Variants in VPS50 observed in about 807,000 individuals in gnomAD.
VPS50 encodes the protein syndetin.
In VPS50, 70 loss-of-function variants were observed where a neutral mutation model predicts 139.7. The ratio of observed to expected loss-of-function variants is 0.50; its 90% CI spans 0.41 to 0.61. The LOEUF is 0.61. VPS50 is among the 20% of genes least tolerant of loss of function. The pLI, the probability that VPS50 is intolerant of heterozygous loss-of-function variation, is 0.00. For missense variants in VPS50, 921 were observed against 1,133.7 expected, an observed-to-expected ratio of 0.81 and a Z score of 2.69; for synonymous variants, 365 against 376.7, an observed-to-expected ratio of 0.97 and a Z score of 0.36.
At chr7:93,341,709 T>A (rs1173418993) in intron 23 of VPS50, 134 bp downstream of exon 23, 1 of 562,990 alleles carries the variant, frequency 1.8e-6, no homozygotes, top group Non-Finnish European at 3.0e-6. Context: ...TTCTGAGAAG[T>A]ATATTCTAAC....
intron 14 of VPS50, among the ~76,000 whole-genome samples, chr7:93,296,373 A>G (rs1415852904): frequency 1.3e-5 from 2 of 152,202 alleles, no homozygotes; most frequent in Non-Finnish European, 2.9e-5. Context: ...GTTATTGAAT[A>G]TACACCCAGG....
chr7:93,316,967 A>G (rs961388645), intron 20 of VPS50, among the ~76,000 whole-genome samples: 2 of 152,198 alleles, frequency 1.3e-5, no homozygotes, highest in Admixed American at 1.3e-4. Flanking sequence ...AGTACACACA[A>G]AAACATGCAA....
intron 22 of VPS50, among the ~76,000 whole-genome samples, chr7:93,338,924 A>G (rs1798138117): frequency 6.6e-6 from 1 of 152,184 alleles, no homozygotes; most frequent in African/African-American, 2.4e-5. Context: ...ACCTGTTTAA[A>G]TAGTAACATC....
intron 9 of VPS50, among the ~76,000 whole-genome samples, chr7:93,264,242 T>C (rs1795773068): frequency 6.6e-6 from 1 of 152,232 alleles, no homozygotes; most frequent in South Asian, 2.1e-4. Context: ...ATCCCAGTTT[T>C]GTTCACTTTT....
At chr7:93,297,614 T>G (rs1395114313) in intron 16 of VPS50, among the ~76,000 whole-genome samples, 2 of 151,874 alleles carry the variant, frequency 1.3e-5, no homozygotes, top group African/African-American at 2.4e-5. Context: ...AGTGAGGGGG[T>G]GCTTGAGAGT....
chr7:93,322,419 G>A (rs1158209862), intron 20 of VPS50, among the ~76,000 whole-genome samples: 1 of 151,626 alleles, frequency 6.6e-6, no homozygotes, highest in Non-Finnish European at 1.5e-5. Flanking sequence ...CTAACACGGT[G>A]AAACCCCGTC....
intron 25 of VPS50, among the ~76,000 whole-genome samples, chr7:93,353,012 T>G (rs1244004734): frequency 6.6e-6 from 1 of 152,142 alleles, no homozygotes; most frequent in Admixed American, 6.6e-5. Context: ...TTGGAGCATT[T>G]CAGAATTCTG....
At chr7:93,319,158 TC>T (rs1174170000) in intron 20 of VPS50, among the ~76,000 whole-genome samples, 1 of 152,206 alleles carries the variant, frequency 6.6e-6, no homozygotes, top group Non-Finnish European at 1.5e-5. Flanking sequence ...AATATCCTAT[TC>T]CTTTTCCTCT....
rs1006735473 is a variant in VPS50 at position 93,295,700 on chromosome 7, CT to C, written c.1168-1033del. On this transcript the variant is annotated intron_variant, in intron 14 of 27. Coordinates refer to ENST00000305866, the MANE Select transcript of VPS50 (RefSeq NM_017667.4). ...TGAGGCTGATCTTTATTTTGACCAT[CT>C]TTTTTTTTCTTTCTTTCTTTTGATT... Among the ~76,000 whole-genome samples the C allele has an allele frequency of 9.3e-5, 14 of 151,346 alleles. No individual in the cohort carries two copies. The South Asian group carries it at 1.9e-3, about 20-fold the overall frequency.
chr7:93,290,920 G>C lies in VPS50; in HGVS notation c.943-783G>C, dbSNP rs758853633. Among the ~76,000 whole-genome samples the C allele has an allele frequency of 3.9e-5, 6 of 151,930 alleles. No individual in the cohort carries two copies. In the East Asian group the frequency reaches 9.6e-4, roughly 24 times the overall value. The stretch of plus-strand genomic sequence containing the variant: ...TATTTCTACTAGCTGTTTATCTTGG[G>C]GAGTTTACTTACACCAGAGTCTTCA... On this transcript the variant is annotated intron_variant, in intron 12 of 27. Transcript: ENST00000305866.
chr7:93,354,056 A>T (rs1159207036), intron 26 of VPS50, among the ~76,000 whole-genome samples: 1 of 152,166 alleles, frequency 6.6e-6, no homozygotes, highest in South Asian at 2.1e-4. Context: ...GATGGTGATG[A>T]TTGTTATACC....
intron 23 of VPS50, 30 bp downstream of exon 23, chr7:93,341,605 T>C (rs1182531411): frequency 2.0e-6 from 3 of 1,506,918 alleles, no homozygotes; most frequent in African/African-American, 2.8e-5. Context: ...TGCGTTGCCA[T>C]TAAATATTTA....
At chr7:93,287,738 A>G (rs1796533188) in intron 12 of VPS50, among the ~76,000 whole-genome samples, 1 of 152,094 alleles carries the variant, frequency 6.6e-6, no homozygotes, top group Non-Finnish European at 1.5e-5. Flanking sequence ...GAGTACCTTT[A>G]TTTGGGTATG....
chr7:93,263,778 C>T (rs1405877722), intron 9 of VPS50, among the ~76,000 whole-genome samples: 2 of 152,074 alleles, frequency 1.3e-5, no homozygotes, highest in African/African-American at 2.4e-5. Flanking sequence ...CAAGTATAAT[C>T]GGCTCTCTGT....
intron 9 of VPS50, among the ~76,000 whole-genome samples, chr7:93,263,825 A>G (rs1222494392): frequency 1.3e-5 from 2 of 152,220 alleles, no homozygotes; most frequent in Non-Finnish European, 2.9e-5. Flanking sequence ...CAACCAGCTG[A>G]AAATGGAAAA....
chr7:93,302,507 A>T (rs1797006467), intron 16 of VPS50, among the ~76,000 whole-genome samples: 1 of 151,594 alleles, frequency 6.6e-6, no homozygotes, highest in African/African-American at 2.4e-5. Flanking sequence ...TGTCTATTTG[A>T]TTCTTTTATT....
rs752353007 is a variant in VPS50, at chr7:93,358,621, C to T, written c.*185C>T. 4 of 513,738 alleles carry T rather than the reference C, an allele frequency of 7.8e-6. No individual in the cohort carries two copies. Among genetic ancestry groups the T allele is most frequent in the Non-Finnish European group, 1.4e-5 (4 of 286,900 alleles). 31.8% of individuals were successfully genotyped at this position (513,738 alleles called of 1,614,324 possible). A position where few individuals can be genotyped will look rare whatever the true frequency, so the allele number is the denominator to read the frequency against. ...TCATGACTTTTATATGCTGTGGTCT[C>T]TTCAACTTTTGGTCTCATTTGTTGT... On this transcript the variant is annotated 3_prime_UTR_variant, in exon 28 of 28. Transcript: ENST00000305866.
At chr7:93,345,091 TAAAG>T (rs1798351033) in intron 23 of VPS50, among the ~76,000 whole-genome samples, 1 of 150,986 alleles carries the variant, frequency 6.6e-6, no homozygotes, top group Non-Finnish European at 1.5e-5. Flanking sequence ...GCAAGACTAA[TAAAG>T]AAAAAAAGAG....
chr7:93,357,246 C>A lies in VPS50; in HGVS notation c.2776-1071C>A, dbSNP rs117188698. 4.0e-3 allele frequency among the ~76,000 whole-genome samples: 616 copies of A among 152,234 alleles called. 2 individuals are homozygous for A. The highest frequency in any genetic ancestry group is 6.3e-3 in the Non-Finnish European group (428 of 68,028). ...CAAGGAGGAAAGGCACAGCTCTATT[C>A]GATGCAAGAATGATGCCCGTTTTTT... On this transcript the variant is annotated intron_variant, in intron 27 of 27. Transcript: ENST00000305866.
Sources: allele counts gnomAD v4.1 joint callset (sites outside exome capture counted in the v4.1 genomes callset), GRCh38; gene constraint gnomAD v4.1.1; transcripts MANE v1.5; gene names NCBI Gene and HGNC (gene_info 2026-07-23, HGNC 2026-07-21).